Variants in ZC3H11A observed in about 807,000 individuals in gnomAD.
ZC3H11A encodes zinc finger CCCH domain-containing protein 11A.
ZC3H11A carries 22 observed loss-of-function variants against 90.8 expected under a neutral mutation model. That is an observed-to-expected ratio of 0.24 (90% confidence interval 0.17 to 0.35). ZC3H11A has a LOEUF of 0.35. ZC3H11A is among the 10% of genes least tolerant of loss of function. ZC3H11A has a pLI of 1.00. For missense variants in ZC3H11A, 701 were observed against 964.9 expected, an observed-to-expected ratio of 0.73 and a Z score of 3.62; for synonymous variants, 294 against 339.8, an observed-to-expected ratio of 0.87 and a Z score of 1.48.
chr1:203,825,967 CAT>C (rs1454460267), intron 4 of ZC3H11A, among the ~76,000 whole-genome samples: 1 of 152,122 alleles, frequency 6.6e-6, no homozygotes, highest in Non-Finnish European at 1.5e-5. Context: ...AAATAAATGT[CAT>C]GTGACTTCTG....
At chr1:203,809,529 A>C (rs1371149362) in intron 2 of ZC3H11A, among the ~76,000 whole-genome samples, 1 of 151,956 alleles carries the variant, frequency 6.6e-6, no homozygotes, top group African/African-American at 2.4e-5. Flanking sequence ...TATCCTTTAA[A>C]ACTTGCTGAG....
At chr1:203,829,024 T>A (rs376375858) in intron 5 of ZC3H11A, among the ~76,000 whole-genome samples, 3 of 152,344 alleles carry the variant, frequency 2.0e-5, no homozygotes, top group South Asian at 2.1e-4. Context: ...TGATTAAAAT[T>A]TGATGGCTAC....
intron 13 of ZC3H11A, 40 bp from the exon 14 acceptor site, chr1:203,848,291 T>A (rs957301953): frequency 1.2e-5 from 19 of 1,542,388 alleles, no homozygotes; most frequent in East Asian, 6.8e-5. Flanking sequence ...AAGTTGCAGC[T>A]TAAATAAAAT....
intron 3 of ZC3H11A, among the ~76,000 whole-genome samples, chr1:203,818,178 A>G (rs1209662620): frequency 6.6e-6 from 1 of 152,074 alleles, no homozygotes; most frequent in Non-Finnish European, 1.5e-5. Context: ...GCACAGTTAT[A>G]TTGTATATAT....
At position 203,852,966 on chromosome 1, in the gene ZC3H11A, A is replaced by C. The variant is rs1000273857; in HGVS notation, c.*567A>C. The C allele has an allele frequency of 6.4e-6, 1 of 155,520 alleles. No homozygotes were observed. The highest frequency in any genetic ancestry group is 2.4e-5 in the African/African-American group (1 of 41,456). The allele number at this position is 155,520 out of a possible 1,614,324, so 9.6% of individuals were successfully genotyped here. On this transcript the variant is annotated 3_prime_UTR_variant, in exon 18 of 18. Transcript: ENST00000367210. ...AGCTCAGGAAGCCTGTAATGTGGGC[A>C]TAACTCTTTGGACCTGATCTTGATG...
chr1:203,829,339 T>G, intron 5 of ZC3H11A, 112 bp from the exon 6 acceptor site: 1 of 1,081,528 alleles, frequency 9.2e-7, no homozygotes, highest in Non-Finnish European at 1.4e-6. Context: ...GGAAATTTAG[T>G]ATAAATGCTC....
At chr1:203,814,312 TC>T (rs1309420509) in intron 2 of ZC3H11A, among the ~76,000 whole-genome samples, 1 of 152,086 alleles carries the variant, frequency 6.6e-6, no homozygotes, top group Admixed American at 6.6e-5. Context: ...TCATCTGAGG[TC>T]AGAAGTTCAA....
At chr1:203,828,236 ACTGCCACATGAATATACGTAT>A in intron 4 of ZC3H11A, 42 bp from the exon 5 acceptor site, 1 of 1,596,692 alleles carries the variant, frequency 6.3e-7, no homozygotes, top group Non-Finnish European at 8.6e-7. Context: ...TAGAAAACAA[ACTGCCACATGAATATACGTAT>A]CACTGTTTTA....
At chr1:203,798,892 T>C (rs1669591829) in intron 1 of ZC3H11A, 1 of 1,536,060 alleles carries the variant, frequency 6.5e-7, no homozygotes, top group Admixed American at 2.0e-5. Flanking sequence ...ACTAAGGCTG[T>C]ACCTCAGTTA....
intron 11 of ZC3H11A, among the ~76,000 whole-genome samples, chr1:203,839,826 CAG>C (rs1025990660): frequency 1.3e-5 from 2 of 151,994 alleles, no homozygotes; most frequent in Non-Finnish European, 2.9e-5. Flanking sequence ...TTTTTTGAGA[CAG>C]AGTCTCACTC....
chr1:203,802,021 G>T lies in ZC3H11A; in HGVS notation c.-1141G>T, dbSNP rs1012153291. 1 of 152,550 alleles carries T rather than the reference G, an allele frequency of 6.6e-6. No homozygotes were observed. The highest frequency in any genetic ancestry group is 1.5e-5 in the Non-Finnish European group (1 of 68,022). 9.4% of individuals were successfully genotyped at this position (152,550 alleles called of 1,614,324 possible). A position where few individuals can be genotyped will look rare whatever the true frequency, so the allele number is the denominator to read the frequency against. On this transcript the variant is annotated 5_prime_UTR_variant, in exon 2 of 18. Transcript: ENST00000367210. ...TATTTAATGGCAAACCAGTGATACT[G>T]GTGTTGATACAAAATAAGAAATAAA...
chr1:203,827,409 G>A (rs1277166373), intron 4 of ZC3H11A, among the ~76,000 whole-genome samples: 1 of 150,192 alleles, frequency 6.7e-6, no homozygotes, highest in African/African-American at 2.5e-5. Context: ...GGCCGGGTGC[G>A]GTGGCTCACA....
At chr1:203,805,097 T>C (rs1304932586) in intron 2 of ZC3H11A, among the ~76,000 whole-genome samples, 1 of 152,078 alleles carries the variant, frequency 6.6e-6, no homozygotes, top group Non-Finnish European at 1.5e-5. Context: ...AGATGTAGTA[T>C]TAAGGAAACC....
Position 203,852,125 on chromosome 1 carries a change from C to A in ZC3H11A, c.2175-16C>A, listed in dbSNP as rs764796461. 5.6e-6 allele frequency: 9 copies of A among 1,612,466 alleles called. No individual in the cohort carries two copies. Among genetic ancestry groups the A allele is most frequent in the Non-Finnish European group, 6.8e-6 (8 of 1,179,602 alleles). On this transcript the variant is annotated splice_polypyrimidine_tract_variant and intron_variant, in intron 17 of 17. Transcript: ENST00000367210. ...TTTAAAACGGCAGTTTTCTAATAATCTTTTTTTTCTTACAGTCTTGTGCTG... is the reference window on the plus strand; with the variant it reads ...TTTAAAACGGCAGTTTTCTAATAATATTTTTTTTCTTACAGTCTTGTGCTG...
At chr1:203,835,848 CTT>C in intron 10 of ZC3H11A, 1 of 241,756 alleles carries the variant, frequency 4.1e-6, no homozygotes, top group Non-Finnish European at 9.1e-6. Flanking sequence ...TATGTGCTCC[CTT>C]TTTTTCCGGA....
In ZC3H11A at chr1:203,833,851, C is replaced by G; in HGVS notation, c.872C>G (p.Ala291Gly). ...AGACTGGGGAAACGAAAATTTTCAGCAGGTAAGATAAGTTTTGTGTATATC... is the reference window on the plus strand; with the variant it reads ...AGACTGGGGAAACGAAAATTTTCAGGAGGTAAGATAAGTTTTGTGTATATC... The part of the protein sequence containing the change: ...TERLGKRKFS[A>G]GGDSDPPLKR... The change falls in exon 10 of 18, where the codon GCA becomes GGA. Residue 291 changes from alanine to glycine, a missense_variant and splice_region_variant. Coordinates refer to ENST00000367210, the MANE Select transcript of ZC3H11A (RefSeq NM_001376342.1). 1 of 1,609,582 alleles carries G rather than the reference C, an allele frequency of 6.2e-7. No homozygotes were observed. The highest frequency in any genetic ancestry group is 8.5e-7 in the Non-Finnish European group (1 of 1,178,168).
intron 12 of ZC3H11A, among the ~76,000 whole-genome samples, chr1:203,842,137 C>T (rs1434223745): frequency 6.6e-6 from 1 of 150,990 alleles, no homozygotes; most frequent in Non-Finnish European, 1.5e-5. Flanking sequence ...GGCGGAAGGG[C>T]TCCTCACATC....
chr1:203,812,898 A>G (rs1171520947), intron 2 of ZC3H11A, among the ~76,000 whole-genome samples: 1 of 152,188 alleles, frequency 6.6e-6, no homozygotes, highest in Admixed American at 6.6e-5. Flanking sequence ...TAGCCATTAG[A>G]AAAGGAATTT....
At chr1:203,806,716 A>G (rs1028259354) in intron 2 of ZC3H11A, among the ~76,000 whole-genome samples, 1 of 151,758 alleles carries the variant, frequency 6.6e-6, no homozygotes, top group Non-Finnish European at 1.5e-5. Context: ...GTTTACCTCT[A>G]GTGTTTTACC....
Sources: allele counts gnomAD v4.1 joint callset (sites outside exome capture counted in the v4.1 genomes callset), GRCh38; gene constraint gnomAD v4.1.1; transcripts MANE v1.5; gene names NCBI Gene and HGNC (gene_info 2026-07-23, HGNC 2026-07-21).